The following RASGRF2 variants were observed in gnomAD, a reference collection of about 807,000 sequenced individuals.
The protein encoded by RASGRF2 is ras-specific guanine nucleotide-releasing factor 2.
A neutral mutation model predicts 151.0 loss-of-function variants in RASGRF2; 76 were observed. The ratio of observed to expected loss-of-function variants is 0.50; its 90% CI spans 0.42 to 0.61. The LOEUF (loss-of-function observed/expected upper bound fraction) is 0.61. RASGRF2 is among the 20% of genes least tolerant of loss of function. The pLI, the probability that RASGRF2 is intolerant of heterozygous loss-of-function variation, is 0.00. For missense variants in RASGRF2, 1,148 were observed against 1,564.6 expected (o/e 0.73, Z 4.49); for synonymous variants, 504 against 566.5 (o/e 0.89, Z 1.57).
chr5:81,210,436 A>G (rs1350640975), intron 22 of RASGRF2, among the ~76,000 whole-genome samples: 1 of 152,176 alleles, frequency 6.6e-6, no homozygotes, highest in Non-Finnish European at 1.5e-5. Context: ...TATACCTTTT[A>G]CAGACAATAG....
intron 1 of RASGRF2, among the ~76,000 whole-genome samples, chr5:81,014,493 A>G (rs1397207618): frequency 6.6e-6 from 1 of 152,154 alleles, no homozygotes; most frequent in Non-Finnish European, 1.5e-5. Context: ...ACAGCACAGG[A>G]AAGACTTGCC....
chr5:81,117,619 T>A (rs1753195261), intron 15 of RASGRF2, among the ~76,000 whole-genome samples: 1 of 152,210 alleles, frequency 6.6e-6, no homozygotes, highest in Admixed American at 6.5e-5. Context: ...ATTTATGTCC[T>A]TCTCACATGT....
At chr5:80,985,718 T>C (rs1748452516) in intron 1 of RASGRF2, among the ~76,000 whole-genome samples, 1 of 152,178 alleles carries the variant, frequency 6.6e-6, no homozygotes, top group Non-Finnish European at 1.5e-5. Flanking sequence ...TATTTAAGTG[T>C]TTCATGGCTA....
Position 80,960,610 on chromosome 5 carries a change from C to T in RASGRF2, c.-129C>T. On this transcript the variant is annotated 5_prime_UTR_variant, in exon 1 of 27. Coordinates refer to ENST00000265080, the MANE Select transcript of RASGRF2 (RefSeq NM_006909.3). This position sits in a 1 kb window ranked among gnomAD's most constrained non-coding sequence, Gnocchi z 5.5. ...AGCGGGCGGGGTGCCCTGCGCGCGG[C>T]GTGGGGAAAGGGGGCGCCCTTCGCC... 1.1e-6 allele frequency: 1 copy of T among 924,796 alleles called. No homozygotes were observed. 57.3% of individuals were successfully genotyped at this position (924,796 alleles called of 1,614,324 possible). A position where few individuals can be genotyped will look rare whatever the true frequency, so the allele number is the denominator to read the frequency against.
At chr5:80,968,195 A>G (rs1747784213) in intron 1 of RASGRF2, among the ~76,000 whole-genome samples, 1 of 152,186 alleles carries the variant, frequency 6.6e-6, no homozygotes, top group African/African-American at 2.4e-5. Context: ...TTTTATTTTC[A>G]TTATTAGGAT....
At chr5:81,061,119 A>G (rs1751418912) in intron 2 of RASGRF2, among the ~76,000 whole-genome samples, 1 of 152,190 alleles carries the variant, frequency 6.6e-6, no homozygotes, top group South Asian at 2.1e-4. Flanking sequence ...TTCAAAAAAC[A>G]TATTTTAAAT....
chr5:81,123,890 A>G, intron 16 of RASGRF2, 123 bp downstream of exon 16: 1 of 1,281,086 alleles, frequency 7.8e-7, no homozygotes, highest in Non-Finnish European at 1.0e-6. Context: ...ATTGAAAATT[A>G]ATTGGAAGCA....
At chr5:81,169,542 G>A (rs1754595495) in intron 17 of RASGRF2, among the ~76,000 whole-genome samples, 1 of 152,110 alleles carries the variant, frequency 6.6e-6, no homozygotes, top group Non-Finnish European at 1.5e-5. Flanking sequence ...TTCCCTCTAG[G>A]TGTGTCTGTG....
chr5:81,009,263 A>G (rs1749377316), intron 1 of RASGRF2, among the ~76,000 whole-genome samples: 1 of 152,248 alleles, frequency 6.6e-6, no homozygotes, highest in African/African-American at 2.4e-5. Context: ...AACCATTTTC[A>G]TGCCTAGATA....
rs532521574 is a variant in RASGRF2, at chr5:80,983,344, G to C, written c.288+22318G>C. Among the ~76,000 whole-genome samples, 212 of 152,346 alleles carry C rather than the reference G, an allele frequency of 1.4e-3. 1 individual carries two copies. Among genetic ancestry groups the C allele is most frequent in the African/African-American group, 4.7e-3 (196 of 41,588 alleles). On this transcript the variant is annotated intron_variant, in intron 1 of 26. Coordinates refer to ENST00000265080, the MANE Select transcript of RASGRF2 (RefSeq NM_006909.3). ...CAGTTGCTAGGTCTCGTCCCTTGCA[G>C]CCACCTGCTCTCATTGCGATGACTT...
At chr5:81,000,397 A>G (rs897087409) in intron 1 of RASGRF2, among the ~76,000 whole-genome samples, 2 of 152,164 alleles carry the variant, frequency 1.3e-5, no homozygotes, top group Non-Finnish European at 2.9e-5. Flanking sequence ...GCCTACCACC[A>G]TGCCTGGCTA....
At chr5:81,135,095 C>G (rs1320146086) in intron 17 of RASGRF2, among the ~76,000 whole-genome samples, 6 of 151,730 alleles carry the variant, frequency 4.0e-5, no homozygotes, top group Non-Finnish European at 8.8e-5. Flanking sequence ...TTGCTTGAGC[C>G]CAGGAGTTCA....
intron 12 of RASGRF2, 138 bp downstream of exon 12, chr5:81,095,130 T>C: frequency 3.5e-6 from 2 of 565,492 alleles, no homozygotes; most frequent in Non-Finnish European, 5.3e-6. Flanking sequence ...TCACTATGTA[T>C]CTTGATAAGC....
chr5:81,047,413 A>G (rs920541509), intron 2 of RASGRF2, among the ~76,000 whole-genome samples: 14 of 152,192 alleles, frequency 9.2e-5, no homozygotes, highest in Admixed American at 8.5e-4. Flanking sequence ...GAATGTGTGT[A>G]GCTTTGCACA....
intron 15 of RASGRF2, among the ~76,000 whole-genome samples, chr5:81,119,198 T>A (rs1201685820): frequency 6.6e-6 from 1 of 152,256 alleles, no homozygotes; most frequent in African/African-American, 2.4e-5. Context: ...GTATTCGTTA[T>A]AGCAGTAACC....
chr5:81,080,328 G>T, intron 6 of RASGRF2, 128 bp downstream of exon 6: 1 of 1,475,744 alleles, frequency 6.8e-7, no homozygotes. Flanking sequence ...CTGTATCCCG[G>T]GACCCTGTCT....
At chr5:81,117,894 G>A (rs466044) in intron 15 of RASGRF2, among the ~76,000 whole-genome samples, 53,056 of 151,882 alleles carry the variant, frequency 0.35, 9,714 homozygotes, top group Middle Eastern at 0.51. Flanking sequence ...AAGTAAGTCT[G>A]AAACCCAACG....
intron 9 of RASGRF2, chr5:81,088,472 A>G (rs539208781): frequency 6.6e-6 from 1 of 152,318 alleles, no homozygotes; most frequent in African/African-American, 2.4e-5. Context: ...GCAGCACTTA[A>G]GGAATTCTCT....
intron 1 of RASGRF2, among the ~76,000 whole-genome samples, chr5:81,007,969 C>A (rs1749325882): frequency 6.6e-6 from 1 of 152,104 alleles, no homozygotes; most frequent in Non-Finnish European, 1.5e-5. Flanking sequence ...CCCTCAGCTT[C>A]CCAGGACCAT....
Sources: allele counts gnomAD v4.1 joint callset (sites outside exome capture counted in the v4.1 genomes callset), GRCh38; gene constraint gnomAD v4.1.1; non-coding constraint Gnocchi (gnomAD v3.1); transcripts MANE v1.5; gene names NCBI Gene and HGNC (gene_info 2026-07-23, HGNC 2026-07-21).